The following FANCC variants were observed in gnomAD, a reference collection of about 807,000 sequenced individuals.
FANCC encodes FA complementation group C.
Under a neutral mutation model 71.3 loss-of-function variants are expected in FANCC, and 55 were observed. The observed-to-expected ratio is 0.77, with a 90% CI of 0.62 to 0.97. FANCC has a LOEUF of 0.97. Ranked by LOEUF, FANCC falls within the 50% of genes least tolerant of loss-of-function variation. FANCC has a pLI of 0.00. For synonymous variants in FANCC, 275 were observed against 244.9 expected, an observed-to-expected ratio of 1.12 and a Z score of -1.15; for missense variants, 678 against 670.9, an observed-to-expected ratio of 1.01 and a Z score of -0.12.
At position 95,117,325 on chromosome 9, in the gene FANCC, T is replaced by C. The variant is rs756202487; in HGVS notation, c.1062A>G (p.Gln354=). Residue 354 remains glutamine (Q), a synonymous_variant, in exon 11 of 15, where the codon CAA becomes CAG. Coordinates refer to ENST00000289081, the MANE Select transcript of FANCC (RefSeq NM_000136.3). ...TSPSLAMVLL[Q]DPQDIPRGHW... is the part of the protein sequence containing the mutation. ...TCAACCCTAACTCACCTTGAGGGTCTTGCAGCAGCACCATGGCAAGAGATG... is the reference window on the plus strand; with the variant it reads ...TCAACCCTAACTCACCTTGAGGGTCCTGCAGCAGCACCATGGCAAGAGATG... 3 of 1,614,124 alleles carry C rather than the reference T, an allele frequency of 1.9e-6. No individual in the cohort carries two copies. The highest frequency in any genetic ancestry group is 2.5e-6 in the Non-Finnish European group (3 of 1,179,998).
chr9:95,255,607 G>A (rs1281202930), intron 1 of FANCC, among the ~76,000 whole-genome samples: 1 of 152,082 alleles, frequency 6.6e-6, no homozygotes, highest in Non-Finnish European at 1.5e-5. Context: ...AGCACAAAAA[G>A]GCTGAAAATT....
At chr9:95,246,492 TAA>T (rs1208597877) in intron 3 of FANCC, among the ~76,000 whole-genome samples, 7 of 152,224 alleles carry the variant, frequency 4.6e-5, no homozygotes, top group African/African-American at 1.4e-4. Context: ...TCTTTGACTT[TAA>T]AAAATCTTAA....
intron 1 of FANCC, among the ~76,000 whole-genome samples, chr9:95,283,579 T>A (rs10993503): frequency 0.23 from 34,372 of 152,202 alleles, 5,043 homozygotes; most frequent in Non-Finnish European, 0.33. Flanking sequence ...GACCACTTTT[T>A]TAATGAAAAT....
intron 5 of FANCC, 106 bp from the exon 6 acceptor site, chr9:95,171,249 C>T (rs1247226436): frequency 1.2e-6 from 1 of 818,406 alleles, no homozygotes; most frequent in African/African-American, 1.7e-5. Context: ...CCCCCAACCC[C>T]CATCTTCTCA....
At chr9:95,155,204 CA>C (rs1319128579) in intron 6 of FANCC, among the ~76,000 whole-genome samples, 1 of 124,190 alleles carries the variant, frequency 8.1e-6, no homozygotes, top group African/African-American at 3.1e-5. Flanking sequence ...GAGACCCTGT[CA>C]AAAAAAGAAA....
intron 1 of FANCC, among the ~76,000 whole-genome samples, chr9:95,315,302 T>C (rs1835672963): frequency 6.6e-6 from 1 of 152,216 alleles, no homozygotes; most frequent in Non-Finnish European, 1.5e-5. Context: ...CACAGTTCAC[T>C]GTGGCCTCGA....
chr9:95,159,435 A>T (rs1288142641), intron 6 of FANCC, among the ~76,000 whole-genome samples: 2 of 152,168 alleles, frequency 1.3e-5, no homozygotes, highest in South Asian at 2.1e-4. Flanking sequence ...TCTATCATTG[A>T]TGGACATTTA....
At chr9:95,110,752 A>AGTT in intron 13 of FANCC, 3 of 1,098,528 alleles carry the variant, frequency 2.7e-6, no homozygotes, top group Non-Finnish European at 3.3e-6. Context: ...GAGCACTGGC[A>AGTT]GTTGAAGTTT....
intron 13 of FANCC, among the ~76,000 whole-genome samples, chr9:95,108,206 T>G (rs960200885): frequency 6.6e-6 from 1 of 152,150 alleles, no homozygotes; most frequent in Non-Finnish European, 1.5e-5. Flanking sequence ...ACACTGGGTG[T>G]GTTGTGTGAG....
At position 95,099,610 on chromosome 9, in the gene FANCC, A is replaced by C; in HGVS notation, c.*2097T>G. On this transcript the variant is annotated 3_prime_UTR_variant, in exon 15 of 15. Transcript: ENST00000289081. Reference sequence around the variant, plus strand: ...TGGCTCCCCCAGCTCCCCACCTTTGAGCATCTCTCAGGCTGGGAAAGGGCA... The same window carrying C: ...TGGCTCCCCCAGCTCCCCACCTTTGCGCATCTCTCAGGCTGGGAAAGGGCA... The C allele has an allele frequency of 4.3e-6, 1 of 230,854 alleles. No individual in the cohort carries two copies. The highest frequency in any genetic ancestry group is 8.6e-6 in the Non-Finnish European group (1 of 116,856). 14.3% of individuals were successfully genotyped at this position (230,854 alleles called of 1,614,324 possible).
At chr9:95,313,883 C>T (rs193006472) in intron 1 of FANCC, among the ~76,000 whole-genome samples, 3 of 152,302 alleles carry the variant, frequency 2.0e-5, no homozygotes, top group Non-Finnish European at 4.4e-5. Flanking sequence ...ACATTTCTAA[C>T]ATTTGTTCAT....
At chr9:95,276,528 AG>A (rs1250249709) in intron 1 of FANCC, among the ~76,000 whole-genome samples, 1 of 152,160 alleles carries the variant, frequency 6.6e-6, no homozygotes, top group Non-Finnish European at 1.5e-5. Context: ...ACCTAACCTA[AG>A]GCTTCATAAG....
intron 6 of FANCC, among the ~76,000 whole-genome samples, chr9:95,151,807 G>A (rs1002405047): frequency 3.3e-5 from 5 of 151,918 alleles, no homozygotes; most frequent in East Asian, 1.9e-4. Flanking sequence ...TTACGCCTGC[G>A]TTGCAGCTAC....
At chr9:95,131,015 C>T (rs1415208986) in intron 8 of FANCC, among the ~76,000 whole-genome samples, 2 of 152,134 alleles carry the variant, frequency 1.3e-5, no homozygotes, top group African/African-American at 4.8e-5. Flanking sequence ...TGTTTTAAAA[C>T]ATTCAGGTTC....
chr9:95,297,015 G>A (rs1834417348), intron 1 of FANCC, among the ~76,000 whole-genome samples: 1 of 152,152 alleles, frequency 6.6e-6, no homozygotes, highest in African/African-American at 2.4e-5. Context: ...TAAAACTGCA[G>A]AGTGAGAAGT....
intron 1 of FANCC, among the ~76,000 whole-genome samples, chr9:95,253,156 G>C (rs1013635018): frequency 2.4e-4 from 36 of 152,180 alleles, no homozygotes; most frequent in African/African-American, 8.2e-4. Flanking sequence ...GCAGTGCACT[G>C]ATCCTCAATA....
In FANCC at chr9:95,191,863, G is replaced by A. The variant is rs769232672; in HGVS notation, c.346-19716C>T. On this transcript the variant is annotated intron_variant, in intron 4 of 14. Transcript: ENST00000289081. Reference sequence around the variant, plus strand: ...TTCTCTCCAGGGCACTGCTTTCACCGTGATCCCAGCCACCATGATCTCTCA... The same window carrying A: ...TTCTCTCCAGGGCACTGCTTTCACCATGATCCCAGCCACCATGATCTCTCA... Among the ~76,000 whole-genome samples, 8 of 151,900 alleles carry A rather than the reference G, an allele frequency of 5.3e-5. No homozygotes were observed. The South Asian group carries it at 1.0e-3, about 20-fold the overall frequency.
At chr9:95,106,974 C>T (rs2134452830) in intron 14 of FANCC, 92 bp downstream of exon 14, 1 of 1,246,754 alleles carries the variant, frequency 8.0e-7, no homozygotes, top group East Asian at 2.4e-5. Context: ...CTGGTACACA[C>T]ACTGTGCAGA....
intron 7 of FANCC, among the ~76,000 whole-genome samples, chr9:95,147,212 T>C (rs112906101): frequency 9.8e-5 from 15 of 152,328 alleles, no homozygotes; most frequent in African/African-American, 3.6e-4. Context: ...ATCCTACAGA[T>C]GTTTCATCAA....
Sources: gnomAD v4.1 joint callset for allele counts (sites outside exome capture counted in the v4.1 genomes callset) on GRCh38, gnomAD v4.1.1 for gene constraint, MANE v1.5 for transcripts, NCBI Gene and HGNC (gene_info 2026-07-23, HGNC 2026-07-21) for gene names.